The following SLC9B1 variants were observed in gnomAD, a reference collection of about 807,000 sequenced individuals.
The protein encoded by SLC9B1 is solute carrier family 9 member B1.
In SLC9B1, 32 loss-of-function variants were observed where a neutral mutation model predicts 51.7. The observed-to-expected ratio is 0.62, with a 90% CI of 0.47 to 0.83. SLC9B1 has a LOEUF of 0.83. Ranked by LOEUF, SLC9B1 falls within the 40% of genes least tolerant of loss-of-function variation. SLC9B1 has a pLI of 0.00. For synonymous variants in SLC9B1, 145 were observed against 212.7 expected (o/e 0.68, Z 2.77); for missense variants, 406 against 613.2 (o/e 0.66, Z 3.57).
chr4:102,950,188 G>A (rs1489831635), intron 3 of SLC9B1, among the ~76,000 whole-genome samples: 1 of 152,142 alleles, frequency 6.6e-6, no homozygotes, highest in Admixed American at 6.5e-5. Flanking sequence ...TCTTTTAAGA[G>A]GAACCTACTA....
intron 3 of SLC9B1, among the ~76,000 whole-genome samples, chr4:102,966,264 GC>G (rs1340547774): frequency 4.6e-5 from 7 of 152,174 alleles, no homozygotes; most frequent in Admixed American, 1.3e-4. Context: ...AGTGGCTCTG[GC>G]CCTGCAACAA....
chr4:102,986,912 T>C (rs1232838774), intron 3 of SLC9B1, among the ~76,000 whole-genome samples: 1 of 152,226 alleles, frequency 6.6e-6, no homozygotes, highest in African/African-American at 2.4e-5. Context: ...AACATAACTT[T>C]TAAATTCACA....
intron 1 of SLC9B1, among the ~76,000 whole-genome samples, chr4:103,009,368 A>G (rs748152524): frequency 2.0e-5 from 3 of 152,102 alleles, no homozygotes; most frequent in Non-Finnish European, 2.9e-5. Flanking sequence ...GCCAACTTGT[A>G]CTCTTCTAAA....
chr4:102,969,300 C>G (rs1217705142), intron 3 of SLC9B1, among the ~76,000 whole-genome samples: 2 of 152,300 alleles, frequency 1.3e-5, no homozygotes, highest in East Asian at 3.9e-4. Context: ...AAGGATCAGG[C>G]AGCAATATTT....
At chr4:102,959,077 A>C (rs1737949543) in intron 3 of SLC9B1, among the ~76,000 whole-genome samples, 1 of 152,214 alleles carries the variant, frequency 6.6e-6, no homozygotes, top group South Asian at 2.1e-4. Flanking sequence ...CCATATCAAT[A>C]ATTATGTGAA....
chr4:103,005,275 AAAC>A (rs776845998), intron 1 of SLC9B1, among the ~76,000 whole-genome samples: 82 of 132,780 alleles, frequency 6.2e-4, no homozygotes, highest in African/African-American at 1.2e-3. Context: ...AAAAAAAAAA[AAAC>A]CAGAAAAAAG....
chr4:102,997,055 T>C (rs1022429300), intron 1 of SLC9B1, among the ~76,000 whole-genome samples: 1 of 152,036 alleles, frequency 6.6e-6, no homozygotes, highest in African/African-American at 2.4e-5. Flanking sequence ...CAGCCTCCCA[T>C]AGTGCTGACA....
intron 6 of SLC9B1, among the ~76,000 whole-genome samples, chr4:102,941,719 G>T (rs1404138673): frequency 1.4e-5 from 2 of 147,570 alleles, no homozygotes; most frequent in East Asian, 4.0e-4. Flanking sequence ...ATGGGGAAAA[G>T]TTGAAAGCAT....
chr4:102,899,215 A>G (rs544861373), downstream of SLC9B1, among the ~76,000 whole-genome samples: 1 of 151,262 alleles, frequency 6.6e-6, no homozygotes, highest in African/African-American at 2.4e-5. Context: ...TATAATAAAC[A>G]TATATCACAG....
At chr4:102,891,188 T>C (rs116373301) in intron 11 of SLC9B1, 2 of 147,664 alleles carry the variant, frequency 1.4e-5, no homozygotes, top group Middle Eastern at 6.9e-3. Flanking sequence ...TGAAAAAGTC[T>C]TCTTTTTAAA....
intron 3 of SLC9B1, among the ~76,000 whole-genome samples, chr4:102,969,803 T>C (rs1738650564): frequency 6.6e-6 from 1 of 152,160 alleles, no homozygotes; most frequent in African/African-American, 2.4e-5. Context: ...AATGACCTGA[T>C]GGAGCTGAAA....
intron 1 of SLC9B1, chr4:103,016,978 T>G (rs1401736212): frequency 6.6e-6 from 1 of 152,164 alleles, no homozygotes; most frequent in Non-Finnish European, 1.5e-5. Context: ...AAATTACCTT[T>G]GATTTCTAAT....
At chr4:102,918,137 C>T (rs1281273196) in intron 7 of SLC9B1, among the ~76,000 whole-genome samples, 1 of 134,324 alleles carries the variant, frequency 7.4e-6, no homozygotes, top group Non-Finnish European at 1.6e-5. Flanking sequence ...TTTCAAAGTT[C>T]AACAAAATTG....
At chr4:103,006,262 C>T (rs955131515) in intron 1 of SLC9B1, among the ~76,000 whole-genome samples, 1 of 151,246 alleles carries the variant, frequency 6.6e-6, no homozygotes, top group Non-Finnish European at 1.5e-5. Flanking sequence ...CACAGCTAGA[C>T]TAACAAAGAA....
chr4:102,926,586 C>T (rs552418666), intron 7 of SLC9B1, among the ~76,000 whole-genome samples: 6 of 151,842 alleles, frequency 4.0e-5, no homozygotes, highest in South Asian at 2.1e-4. Context: ...CACTGCTCAA[C>T]GAAATAAAAG....
At chr4:102,931,124 G>A (rs1736430816) in intron 7 of SLC9B1, among the ~76,000 whole-genome samples, 1 of 151,864 alleles carries the variant, frequency 6.6e-6, no homozygotes, top group South Asian at 2.1e-4. Flanking sequence ...TACTTGGGAG[G>A]CTGAGGCAGG....
chr4:102,908,244 A>G (rs1735151694), intron 9 of SLC9B1, among the ~76,000 whole-genome samples: 1 of 152,288 alleles, frequency 6.6e-6, no homozygotes, highest in African/African-American at 2.4e-5. Context: ...AAAAAACTGA[A>G]TTATTAATGA....
At chr4:102,931,514 T>C (rs1387753494) in intron 7 of SLC9B1, among the ~76,000 whole-genome samples, 2 of 152,194 alleles carry the variant, frequency 1.3e-5, no homozygotes, top group Non-Finnish European at 2.9e-5. Flanking sequence ...ACTTTTCAAC[T>C]TAAAAATATT....
rs187346000 is a variant in SLC9B1 at position 102,910,055 on chromosome 4, T to C, written c.1086+384A>G. On this transcript the variant is annotated intron_variant, in intron 9 of 11. Transcript: ENST00000296422. ...GTCTCAAACTCCTGACCCCACGCGA[T>C]CTGTCCGCCTCCACCTCCCAAAGTT... Among the ~76,000 whole-genome samples the C allele has an allele frequency of 2.0e-4, 30 of 152,272 alleles. No homozygotes were observed. In the East Asian group the frequency reaches 5.4e-3, roughly 27 times the overall value.
Sources: gnomAD v4.1 joint callset for allele counts (sites outside exome capture counted in the v4.1 genomes callset) on GRCh38, gnomAD v4.1.1 for gene constraint, MANE v1.5 for transcripts, NCBI Gene and HGNC (gene_info 2026-07-23, HGNC 2026-07-21) for gene names.